The following NKAIN3 variants were observed in gnomAD, a reference collection of about 807,000 sequenced individuals.
NKAIN3 encodes sodium/potassium-transporting ATPase subunit beta-1-interacting protein 3.
Under a neutral mutation model 30.2 loss-of-function variants are expected in NKAIN3, and 25 were observed. The ratio of observed to expected loss-of-function variants is 0.83; its 90% CI spans 0.60 to 1.16. The LOEUF is 1.16. NKAIN3 is among the 50% of genes most tolerant of loss of function. The pLI is 0.00. For synonymous variants in NKAIN3, 91 were observed against 89.6 expected (o/e 1.02, Z -0.09); for missense variants, 225 against 254.1 (o/e 0.89, Z 0.78).
intron 3 of NKAIN3, among the ~76,000 whole-genome samples, chr8:62,731,234 GACACACAC>G (rs67571816): frequency 0.013 from 1,877 of 143,698 alleles, 18 homozygotes; most frequent in Middle Eastern, 0.032. Flanking sequence ...GGGATCACAG[GACACACAC>G]ACACACACAC....
At chr8:62,292,061 C>T (rs888366703) in intron 1 of NKAIN3, among the ~76,000 whole-genome samples, 1 of 152,060 alleles carries the variant, frequency 6.6e-6, no homozygotes, top group African/African-American at 2.4e-5. Flanking sequence ...ATTACAACCC[C>T]TGCTTTTTTT....
At chr8:62,533,917 C>A (rs1808563276) in intron 1 of NKAIN3, among the ~76,000 whole-genome samples, 1 of 152,096 alleles carries the variant, frequency 6.6e-6, no homozygotes, top group African/African-American at 2.4e-5. Flanking sequence ...GAAAGAAATA[C>A]CACAAACTGG....
chr8:62,587,191 G>A (rs534043477), intron 2 of NKAIN3, among the ~76,000 whole-genome samples: 2 of 151,902 alleles, frequency 1.3e-5, no homozygotes, highest in East Asian at 3.9e-4. Flanking sequence ...TTATACTCAT[G>A]ATCAGATTTG....
At chr8:62,765,030 G>A (rs773783148) in intron 4 of NKAIN3, among the ~76,000 whole-genome samples, 1 of 152,066 alleles carries the variant, frequency 6.6e-6, no homozygotes, top group Non-Finnish European at 1.5e-5. Context: ...AGATCACGAG[G>A]TCAGGAGCTC....
At chr8:62,770,203 A>G (rs1310534481) in intron 4 of NKAIN3, among the ~76,000 whole-genome samples, 2 of 152,206 alleles carry the variant, frequency 1.3e-5, no homozygotes, top group Non-Finnish European at 2.9e-5. Context: ...TCATTGGGTG[A>G]CTGCATGCCT....
chr8:62,628,394 C>T lies in NKAIN3; in HGVS notation c.273+38600C>T, dbSNP rs1459257727. Among the ~76,000 whole-genome samples the T allele has an allele frequency of 2.6e-5, 4 of 152,084 alleles. No individual in the cohort carries two copies. The South Asian group carries it at 6.2e-4, about 24-fold the overall frequency. On this transcript the variant is annotated intron_variant, in intron 3 of 6. Transcript: ENST00000623646. Reference sequence around the variant, plus strand: ...GGTTTGCATAGCGAATTTTGCACAGCGAATTTTGCACATTTTGTCATCACC... The same window carrying T: ...GGTTTGCATAGCGAATTTTGCACAGTGAATTTTGCACATTTTGTCATCACC...
At chr8:62,871,710 C>A (rs7837139) in intron 4 of NKAIN3, among the ~76,000 whole-genome samples, 2 of 152,126 alleles carry the variant, frequency 1.3e-5, no homozygotes, top group African/African-American at 2.4e-5. Flanking sequence ...GGGCATGGAA[C>A]AGTTGAAGGT....
chr8:62,723,412 T>A (rs568129159), intron 3 of NKAIN3, among the ~76,000 whole-genome samples: 4 of 152,172 alleles, frequency 2.6e-5, no homozygotes, highest in African/African-American at 9.6e-5. Flanking sequence ...AACACATTAG[T>A]ACCAGCATGA....
intron 1 of NKAIN3, among the ~76,000 whole-genome samples, chr8:62,406,591 A>G (rs984856950): frequency 1.3e-5 from 2 of 152,164 alleles, no homozygotes; most frequent in Non-Finnish European, 2.9e-5. Flanking sequence ...AGAAAGACCT[A>G]TAATAATAAT....
chr8:62,576,491 A>C (rs542328887), intron 1 of NKAIN3, among the ~76,000 whole-genome samples: 1 of 152,136 alleles, frequency 6.6e-6, no homozygotes, highest in South Asian at 2.1e-4. Flanking sequence ...TCTGGACCGA[A>C]TGCTTTCTAT....
chr8:62,332,869 A>T (rs535503857), intron 1 of NKAIN3, among the ~76,000 whole-genome samples: 74 of 152,226 alleles, frequency 4.9e-4, no homozygotes, highest in African/African-American at 1.8e-3. Context: ...TCTACAAAAA[A>T]TACAAAACTT....
intron 3 of NKAIN3, among the ~76,000 whole-genome samples, chr8:62,727,139 C>A (rs545164721): frequency 4.6e-5 from 7 of 152,140 alleles, no homozygotes; most frequent in African/African-American, 1.7e-4. Flanking sequence ...AAGCATTTGA[C>A]AAAATCCAAT....
chr8:62,933,764 G>A (rs1054934539), intron 5 of NKAIN3, among the ~76,000 whole-genome samples: 1 of 152,172 alleles, frequency 6.6e-6, no homozygotes, highest in Non-Finnish European at 1.5e-5. Context: ...ATGTTGAATA[G>A]CTCCAAAAAT....
intron 4 of NKAIN3, among the ~76,000 whole-genome samples, chr8:62,806,327 C>G (rs934675065): frequency 6.6e-6 from 1 of 152,088 alleles, no homozygotes; most frequent in Non-Finnish European, 1.5e-5. Context: ...GGACTATAAT[C>G]CATGCTGCTA....
chr8:62,695,666 T>C (rs531190495), intron 3 of NKAIN3, among the ~76,000 whole-genome samples: 22 of 152,308 alleles, frequency 1.4e-4, no homozygotes, highest in Non-Finnish European at 2.8e-4. Context: ...TAACTCAGTT[T>C]TGGGAATAAT....
chr8:62,351,130 A>C (rs7002738), intron 1 of NKAIN3, among the ~76,000 whole-genome samples: 1 of 149,096 alleles, frequency 6.7e-6, no homozygotes, highest in Non-Finnish European at 1.5e-5. Flanking sequence ...TATATACTAT[A>C]AAAAGTTATG....
At chr8:62,683,897 C>T (rs1403304925) in intron 3 of NKAIN3, among the ~76,000 whole-genome samples, 1 of 152,182 alleles carries the variant, frequency 6.6e-6, no homozygotes, top group Non-Finnish European at 1.5e-5. Flanking sequence ...TCGCTGTTGA[C>T]CTGGCTGGTG....
At chr8:62,313,787 C>A (rs75960455) in intron 1 of NKAIN3, among the ~76,000 whole-genome samples, 2,151 of 152,214 alleles carry the variant, frequency 0.014, 47 homozygotes, top group African/African-American at 0.047. Flanking sequence ...CAACTGTTCA[C>A]AAGGCACTAA....
At chr8:62,862,620 A>T (rs1471734838) in intron 4 of NKAIN3, among the ~76,000 whole-genome samples, 4 of 152,208 alleles carry the variant, frequency 2.6e-5, no homozygotes, top group African/African-American at 9.6e-5. Context: ...TTTAGTTCTA[A>T]ATAAAATAGA....
Sources: gnomAD v4.1 joint callset for allele counts (sites outside exome capture counted in the v4.1 genomes callset) on GRCh38, gnomAD v4.1.1 for gene constraint, MANE v1.5 for transcripts, NCBI Gene and HGNC (gene_info 2026-07-23, HGNC 2026-07-21) for gene names.